Variants in CR1L observed in about 807,000 individuals in gnomAD.
The protein encoded by CR1L is complement C3b/C4b receptor 1 like.
In CR1L, 59 loss-of-function variants were observed where a neutral mutation model predicts 62.3. The ratio of observed to expected loss-of-function variants is 0.95; its 90% CI spans 0.77 to 1.18. The LOEUF is 1.18. Among genes scored for constraint, CR1L ranks in the 50% most tolerant of loss-of-function variants. The pLI is 0.00. For synonymous variants in CR1L, 279 were observed against 248.7 expected, an observed-to-expected ratio of 1.12 and a Z score of -1.15; for missense variants, 700 against 702.8, an observed-to-expected ratio of 1.00 and a Z score of 0.04.
At position 207,721,634 on chromosome 1, in the gene CR1L, T is replaced by C. The variant is rs1350406978; in HGVS notation, c.1643-1984T>C. On this transcript the variant is annotated intron_variant, in intron 11 of 11. Coordinates refer to ENST00000508064, the MANE Select transcript of CR1L (RefSeq NM_175710.2). ...GGTTCCAAGTCTTTGCTATTGTGAA[T>C]AATGCCACAATAAACATACGTGTGC... 8.5e-4 allele frequency among the ~76,000 whole-genome samples: 126 copies of C among 147,506 alleles called. 1 individual carries two copies. The highest frequency in any genetic ancestry group is 2.5e-3 in the African/African-American group (98 of 39,870).
Position 207,701,506 on chromosome 1 carries a change from T to G in CR1L, c.1229-13T>G, listed in dbSNP as rs544808765. The G allele has an allele frequency of 1.2e-6, 2 of 1,613,498 alleles. No homozygotes were observed. The highest frequency in any genetic ancestry group is 3.3e-5 in the Admixed American group (2 of 59,992). ...TTACTCTACCTGGCTCCAAAACATTTTCTTTCCCACAGGTAAATCATGTGA... is the reference window on the plus strand; with the variant it reads ...TTACTCTACCTGGCTCCAAAACATTGTCTTTCCCACAGGTAAATCATGTGA... On this transcript the variant is annotated splice_polypyrimidine_tract_variant and intron_variant, in intron 8 of 11. Transcript: ENST00000508064.
At chr1:207,714,050 T>A (rs1571537079) in intron 10 of CR1L, among the ~76,000 whole-genome samples, 1 of 152,284 alleles carries the variant, frequency 6.6e-6, no homozygotes, top group East Asian at 1.9e-4. Context: ...GGGTCCTGAG[T>A]TCTTGTCCCG....
At chr1:207,673,329 A>G (rs1663642114) in intron 1 of CR1L, among the ~76,000 whole-genome samples, 1 of 152,212 alleles carries the variant, frequency 6.6e-6, no homozygotes, top group Non-Finnish European at 1.5e-5. Flanking sequence ...ATATTTGTGT[A>G]CATATATAAT....
intron 1 of CR1L, chr1:207,669,547 G>T (rs1175644282): frequency 4.5e-6 from 7 of 1,568,338 alleles, no homozygotes; most frequent in Admixed American, 1.8e-5. Context: ...GGTGCTGCTC[G>T]CGCTGCCGGT....
chr1:207,706,769 C>A (rs1664273866), intron 9 of CR1L, among the ~76,000 whole-genome samples: 1 of 151,908 alleles, frequency 6.6e-6, no homozygotes, highest in Non-Finnish European at 1.5e-5. Context: ...GTTTCCCAGG[C>A]AATTAATAAG....
intron 1 of CR1L, chr1:207,658,647 A>G (rs1188983253): frequency 1.3e-5 from 2 of 152,386 alleles, no homozygotes; most frequent in Admixed American, 1.3e-4. Context: ...AGCAGCACCC[A>G]AGAGTGTGGG....
chr1:207,684,038 TC>T (rs1663850429), intron 4 of CR1L, 81 bp downstream of exon 4: 1 of 1,339,688 alleles, frequency 7.5e-7, no homozygotes, highest in Non-Finnish European at 1.0e-6. Context: ...TTAACCGAAT[TC>T]CTTCTGTGCA....
rs1265815375 is a variant in CR1L, at chr1:207,695,632, C to G, written c.862+881C>G. Among the ~76,000 whole-genome samples, 3 of 152,154 alleles carry G rather than the reference C, an allele frequency of 2.0e-5. 1 individual carries two copies. The highest frequency in any genetic ancestry group is 2.0e-4 in the Admixed American group (3 of 15,276). On this transcript the variant is annotated intron_variant, in intron 5 of 11. Coordinates refer to ENST00000508064, the MANE Select transcript of CR1L (RefSeq NM_175710.2). ...CATGCAGGCTGTATTAGACTCTTCT[C>G]ACATTGTATAAAGAACTACCTGAGA...
chr1:207,683,960 G>A lies in CR1L; in HGVS notation c.463+3G>A, dbSNP rs2102462269. ...TAATAAAACACCTGTTTGTGACAGT[G>A]AGTTGAAATATGCATTCCTATTTCT... On this transcript the variant is annotated splice_donor_region_variant and intron_variant, in intron 4 of 11. Transcript: ENST00000508064. 1 of 1,610,640 alleles carries A rather than the reference G, an allele frequency of 6.2e-7. No individual in the cohort carries two copies. The highest frequency in any genetic ancestry group is 8.5e-7 in the Non-Finnish European group (1 of 1,177,412).
At chr1:207,682,944 T>C (rs1265240316) in intron 3 of CR1L, among the ~76,000 whole-genome samples, 1 of 143,430 alleles carries the variant, frequency 7.0e-6, no homozygotes, top group Non-Finnish European at 1.5e-5. Context: ...TTGCCTTTGG[T>C]TCTAGTTATA....
At chr1:207,723,020 T>C (rs1465743655) in intron 11 of CR1L, among the ~76,000 whole-genome samples, 1 of 152,234 alleles carries the variant, frequency 6.6e-6, no homozygotes, top group Non-Finnish European at 1.5e-5. Context: ...TGTGAAAACA[T>C]ACCAGAAGAG....
Position 207,683,961 on chromosome 1 carries a change from A to T in CR1L, c.463+4A>T. On this transcript the variant is annotated splice_donor_region_variant and intron_variant, in intron 4 of 11. Coordinates refer to ENST00000508064, the MANE Select transcript of CR1L (RefSeq NM_175710.2). ...AATAAAACACCTGTTTGTGACAGTG[A>T]GTTGAAATATGCATTCCTATTTCTT... The T allele has an allele frequency of 6.2e-7, 1 of 1,610,146 alleles. No homozygotes were observed. The highest frequency in any genetic ancestry group is 8.5e-7 in the Non-Finnish European group (1 of 1,176,972).
intron 4 of CR1L, among the ~76,000 whole-genome samples, chr1:207,690,799 T>G (rs1273788783): frequency 1.3e-5 from 2 of 152,238 alleles, no homozygotes; most frequent in Non-Finnish European, 2.9e-5. Flanking sequence ...TTGATGTTCC[T>G]TGGCTTGTAG....
rs376416526 is a variant in CR1L at position 207,717,668 on chromosome 1, G to A, written c.1619G>A (p.Arg540His). The A allele has an allele frequency of 5.6e-6, 9 of 1,613,822 alleles. No individual in the cohort carries two copies. Among genetic ancestry groups the A allele is most frequent in the Non-Finnish European group, 5.9e-6 (7 of 1,179,874 alleles). ...GGGGTTTGGAGCAGCCCTGCCCCTC[G>A]CTGTGAACTTCCTGTTGGTGCTGGT... ...GNGVWSSPAP[R>H]CELPVGAGSH... Residue 540 changes from arginine to histidine, a missense_variant, in exon 11 of 12, where the codon CGC becomes CAC. Arg to His is a conservative substitution (Grantham distance 29). Transcript: ENST00000508064.
chr1:207,703,730 G>C (rs1162740215), intron 9 of CR1L, among the ~76,000 whole-genome samples: 3 of 152,188 alleles, frequency 2.0e-5, no homozygotes, highest in Admixed American at 6.5e-5. Context: ...ACCAAGGTGG[G>C]CGGATCATGA....
chr1:207,694,373 C>T lies in CR1L; in HGVS notation c.484C>T (p.Pro162Ser). Residue 162 changes from proline (P) to serine (S), a missense_variant, in exon 5 of 12, where the codon CCC (proline) becomes TCC (serine). Pro to Ser is a moderately conservative substitution (Grantham distance 74). Transcript: ENST00000508064. ...VCDRIICGLPPTIANGDFTSI... is the reference protein window; with the variant it reads ...VCDRIICGLPSTIANGDFTSI... Reference sequence around the variant, plus strand: ...CCCAGGAATTATTTGTGGGCTACCCCCCACCATCGCCAATGGAGATTTCAC... The same window carrying T: ...CCCAGGAATTATTTGTGGGCTACCCTCCACCATCGCCAATGGAGATTTCAC... 2 of 1,613,956 alleles carry T rather than the reference C, an allele frequency of 1.2e-6. No individual in the cohort carries two copies. Among genetic ancestry groups the T allele is most frequent in the Non-Finnish European group, 1.7e-6 (2 of 1,179,886 alleles).
intron 5 of CR1L, 150 bp from the exon 6 acceptor site, chr1:207,697,353 G>T: frequency 6.6e-7 from 1 of 1,515,864 alleles, no homozygotes; most frequent in Non-Finnish European, 8.9e-7. Context: ...TCCTCGCCCT[G>T]TGTATTTAGT....
intron 1 of CR1L, chr1:207,669,445 A>C: frequency 1.5e-6 from 2 of 1,365,692 alleles, no homozygotes; most frequent in Admixed American, 3.4e-5. Flanking sequence ...CTTCGGGAGG[A>C]TGGGGGTCTC....
intron 4 of CR1L, among the ~76,000 whole-genome samples, chr1:207,685,353 T>C (rs1410397249): frequency 6.6e-6 from 1 of 152,246 alleles, no homozygotes; most frequent in Non-Finnish European, 1.5e-5. Flanking sequence ...TATTCAAGTC[T>C]AGGAATTGTT....
Sources: gnomAD v4.1 joint callset for allele counts (sites outside exome capture counted in the v4.1 genomes callset) on GRCh38, gnomAD v4.1.1 for gene constraint, MANE v1.5 for transcripts, NCBI Gene and HGNC (gene_info 2026-07-23, HGNC 2026-07-21) for gene names.